Variants in SCN11A observed in about 807,000 individuals in gnomAD.
The protein encoded by SCN11A is sodium voltage-gated channel alpha subunit 11.
A neutral mutation model predicts 162.2 loss-of-function variants in SCN11A; 122 were observed. The observed-to-expected ratio is 0.75, with a 90% confidence interval of 0.65 to 0.87. SCN11A has a LOEUF of 0.87. Ranked by LOEUF, SCN11A falls within the 40% of genes least tolerant of loss-of-function variation. SCN11A has a pLI of 0.00. For synonymous variants in SCN11A, 758 were observed against 751.5 expected (o/e 1.01, Z -0.14); for missense variants, 2,015 against 2,181.6 (o/e 0.92, Z 1.52).
chr3:38,988,187 G>A (rs1165135926), intron 2 of SCN11A, among the ~76,000 whole-genome samples: 1 of 152,116 alleles, frequency 6.6e-6, no homozygotes, highest in Non-Finnish European at 1.5e-5. Context: ...CTGCCTGCCT[G>A]TGACTTCCCC....
chr3:38,939,335 CAT>C (rs1412765897), intron 7 of SCN11A, among the ~76,000 whole-genome samples: 10 of 150,280 alleles, frequency 6.7e-5, no homozygotes, highest in Non-Finnish European at 1.2e-4. Context: ...TTTAAAAAAA[CAT>C]AAAAATAGGC....
intron 28 of SCN11A, among the ~76,000 whole-genome samples, chr3:38,858,207 C>A (rs557073724): frequency 2.0e-5 from 3 of 152,044 alleles, no homozygotes; most frequent in Non-Finnish European, 4.4e-5. Context: ...ATGGCCTAAA[C>A]GCTCCATTTA....
chr3:38,969,896 C>T (rs775356188), intron 2 of SCN11A, among the ~76,000 whole-genome samples: 18 of 152,276 alleles, frequency 1.2e-4, no homozygotes, highest in Middle Eastern at 3.4e-3. Flanking sequence ...GAACACAAAC[C>T]CCCCAATCTA....
chr3:39,015,190 C>A (rs11715241), intron 2 of SCN11A, among the ~76,000 whole-genome samples: 15,802 of 152,268 alleles, frequency 0.1, 1,046 homozygotes, highest in East Asian at 0.22. Flanking sequence ...TATAAAAGGG[C>A]AAATTTAGCC....
chr3:39,037,987 C>T (rs2031951381), intron 1 of SCN11A, among the ~76,000 whole-genome samples: 1 of 152,132 alleles, frequency 6.6e-6, no homozygotes, highest in African/African-American at 2.4e-5. Context: ...TCTGCCAGGA[C>T]AAGCCTCCTA....
Position 38,907,947 on chromosome 3 carries a change from AC to A in SCN11A, c.1473+1del. On this transcript the variant is annotated splice_donor_variant, in intron 14 of 29. Coordinates refer to ENST00000302328, the MANE Select transcript of SCN11A (RefSeq NM_001349253.2). LOFTEE classifies it high-confidence loss of function. ...ATCATTAATTCCCTGGAAAAGACTT[AC>A]CTTTTTTTGGCAATCTTCATCAGAA... 1.3e-6 allele frequency: 2 copies of A among 1,597,986 alleles called. No individual in the cohort carries two copies.
At chr3:38,997,760 A>G (rs2030688741) in intron 2 of SCN11A, among the ~76,000 whole-genome samples, 1 of 152,212 alleles carries the variant, frequency 6.6e-6, no homozygotes, top group African/African-American at 2.4e-5. Flanking sequence ...TTCATCTCTA[A>G]TTTTCCATCT....
At chr3:38,994,763 C>G (rs1196062651) in intron 2 of SCN11A, among the ~76,000 whole-genome samples, 5 of 152,088 alleles carry the variant, frequency 3.3e-5, no homozygotes. Flanking sequence ...TTTAAATAGA[C>G]TTGGCCCACA....
intron 7 of SCN11A, among the ~76,000 whole-genome samples, chr3:38,942,949 C>T (rs988340873): frequency 2.6e-5 from 4 of 152,020 alleles, no homozygotes; most frequent in African/African-American, 9.7e-5. Flanking sequence ...TATCGCAGGG[C>T]CCAGCAATTA....
At chr3:38,879,360 G>A (rs28394020) in intron 23 of SCN11A, among the ~76,000 whole-genome samples, 16,326 of 152,200 alleles carry the variant, frequency 0.11, 1,555 homozygotes, top group African/African-American at 0.26. Flanking sequence ...CATACAGCTA[G>A]ACACGTGAAT....
chr3:38,882,379 C>T (rs1376950027), intron 22 of SCN11A, among the ~76,000 whole-genome samples: 1 of 152,118 alleles, frequency 6.6e-6, no homozygotes, highest in African/African-American at 2.4e-5. Flanking sequence ...CCCAAGGCTC[C>T]TGGGTTTAGT....
intron 2 of SCN11A, among the ~76,000 whole-genome samples, chr3:38,969,505 G>A (rs985620141): frequency 3.9e-5 from 6 of 152,168 alleles, no homozygotes; most frequent in Non-Finnish European, 8.8e-5. Context: ...GAGTTGTAGT[G>A]ACAGGAAGAA....
intron 2 of SCN11A, among the ~76,000 whole-genome samples, chr3:38,981,064 T>C (rs2030020161): frequency 6.6e-6 from 1 of 152,238 alleles, no homozygotes; most frequent in Non-Finnish European, 1.5e-5. Context: ...TTGGTTTTCT[T>C]CAATTTCAGG....
intron 2 of SCN11A, among the ~76,000 whole-genome samples, chr3:39,018,501 T>C (rs1459906947): frequency 6.6e-6 from 1 of 152,142 alleles, no homozygotes; most frequent in East Asian, 1.9e-4. Flanking sequence ...TCTTTTGTTG[T>C]TTGATGTTGA....
chr3:38,881,480 C>G (rs563776459), intron 22 of SCN11A, among the ~76,000 whole-genome samples: 1 of 152,098 alleles, frequency 6.6e-6, no homozygotes, highest in Non-Finnish European at 1.5e-5. Flanking sequence ...TGGATGAGCA[C>G]GCTTATACCT....
intron 2 of SCN11A, among the ~76,000 whole-genome samples, chr3:39,017,771 C>T (rs2031337175): frequency 1.3e-5 from 2 of 152,066 alleles, no homozygotes; most frequent in Admixed American, 1.3e-4. Flanking sequence ...CATATAGTTA[C>T]AACTGTTTTA....
At chr3:38,913,167 T>C (rs554629701) in intron 11 of SCN11A, among the ~76,000 whole-genome samples, 2 of 152,204 alleles carry the variant, frequency 1.3e-5, no homozygotes, top group Non-Finnish European at 1.5e-5. Context: ...ACTCTAATGA[T>C]AGCCATTCTG....
chr3:39,039,343 G>T (rs1407481986), intron 1 of SCN11A, among the ~76,000 whole-genome samples: 1 of 152,204 alleles, frequency 6.6e-6, no homozygotes, highest in Non-Finnish European at 1.5e-5. Context: ...CTATGGCAGT[G>T]TGATGGTTTT....
At chr3:38,921,351 A>G (rs757546363) in intron 9 of SCN11A, 96 bp from the exon 10 acceptor site, 29 of 1,180,078 alleles carry the variant, frequency 2.5e-5, no homozygotes, top group Non-Finnish European at 3.4e-5. Flanking sequence ...GGAAACTGTC[A>G]AATTGCAGGC....
Sources: gnomAD v4.1 joint callset for allele counts (sites outside exome capture counted in the v4.1 genomes callset) on GRCh38, gnomAD v4.1.1 for gene constraint, MANE v1.5 for transcripts, NCBI Gene and HGNC (gene_info 2026-07-23, HGNC 2026-07-21) for gene names.